PPM1H: variants seen among roughly 807,000 people sequenced by gnomAD.
PPM1H encodes the protein protein phosphatase, Mg2+/Mn2+ dependent 1H.
In PPM1H, 27 loss-of-function variants were observed where a neutral mutation model predicts 54.9. The observed-to-expected ratio is 0.49, with a 90% confidence interval of 0.36 to 0.68. PPM1H has a LOEUF of 0.68. PPM1H is among the 30% of genes least tolerant of loss of function. PPM1H has a pLI of 0.00. For missense variants in PPM1H, 596 were observed against 667.8 expected, an observed-to-expected ratio of 0.89 and a Z score of 1.19; for synonymous variants, 305 against 270.8, an observed-to-expected ratio of 1.13 and a Z score of -1.24.
intron 1 of PPM1H, among the ~76,000 whole-genome samples, chr12:62,923,205 T>TAA (rs1871857617): frequency 6.6e-6 from 1 of 152,170 alleles, no homozygotes. Flanking sequence ...TTAAGGCCAC[T>TAA]GCACTAAAGG....
chr12:62,862,410 C>T (rs745443074), intron 1 of PPM1H, among the ~76,000 whole-genome samples: 4 of 152,154 alleles, frequency 2.6e-5, no homozygotes, highest in Admixed American at 6.5e-5. Context: ...TGAATGTCTG[C>T]GAGAGGCAAA....
At chr12:62,770,593 C>T (rs2076573129) in intron 4 of PPM1H, among the ~76,000 whole-genome samples, 1 of 151,814 alleles carries the variant, frequency 6.6e-6, no homozygotes, top group South Asian at 2.1e-4. Flanking sequence ...TTGGTGCAGT[C>T]CATTTGGAAG....
chr12:62,885,247 G>C (rs191578192), intron 1 of PPM1H, among the ~76,000 whole-genome samples: 4 of 152,158 alleles, frequency 2.6e-5, no homozygotes, highest in Non-Finnish European at 2.9e-5. Flanking sequence ...TTGAGATTTG[G>C]GTGGGGACAC....
At chr12:62,667,784 A>C (rs777913265) in intron 8 of PPM1H, among the ~76,000 whole-genome samples, 59 of 152,334 alleles carry the variant, frequency 3.9e-4, no homozygotes, top group Admixed American at 1.7e-3. Flanking sequence ...GCTTCAGAGG[A>C]GGTCTCAGTC....
At chr12:62,648,879 C>G (rs7313460) in intron 9 of PPM1H, among the ~76,000 whole-genome samples, 113,046 of 152,160 alleles carry the variant, frequency 0.74, 42,314 homozygotes, top group Middle Eastern at 0.81. Flanking sequence ...TTATTCACCT[C>G]CTCAGTCCTC....
At chr12:62,879,809 C>T (rs1870326211) in intron 1 of PPM1H, among the ~76,000 whole-genome samples, 1 of 151,898 alleles carries the variant, frequency 6.6e-6, no homozygotes, top group African/African-American at 2.4e-5. Context: ...TTCTGTAGTG[C>T]TTAAAACTGG....
chr12:62,821,188 T>G (rs950509803), intron 2 of PPM1H, among the ~76,000 whole-genome samples: 1 of 152,034 alleles, frequency 6.6e-6, no homozygotes, highest in African/African-American at 2.4e-5. Flanking sequence ...GAAGATCAAA[T>G]TAATGAAACA....
intron 1 of PPM1H, among the ~76,000 whole-genome samples, chr12:62,898,855 C>T (rs1021512110): frequency 2.0e-5 from 3 of 152,138 alleles, no homozygotes; most frequent in Non-Finnish European, 4.4e-5. Context: ...AGTTTGTGTA[C>T]CCTCTACTCC....
At chr12:62,785,609 A>G (rs952715913) in intron 4 of PPM1H, among the ~76,000 whole-genome samples, 4 of 152,206 alleles carry the variant, frequency 2.6e-5, no homozygotes, top group African/African-American at 9.6e-5. Flanking sequence ...TAAAAGTGTC[A>G]CTCCTCATGG....
At chr12:62,663,523 A>T (rs1025724791) in intron 9 of PPM1H, among the ~76,000 whole-genome samples, 1 of 152,090 alleles carries the variant, frequency 6.6e-6, no homozygotes, top group African/African-American at 2.4e-5. Flanking sequence ...GGTGCTGCTG[A>T]TGCCATGTAG....
rs1279885436 is a variant in PPM1H, at chr12:62,646,842, A to AAAT, written c.*1644_*1646dup. 2 of 152,238 alleles carry AAAT rather than the reference A, an allele frequency of 1.3e-5. No homozygotes were observed. The highest frequency in any genetic ancestry group is 4.8e-5 in the African/African-American group (2 of 41,454). 9.4% of individuals were successfully genotyped at this position (152,238 alleles called of 1,614,324 possible). On this transcript the variant is annotated 3_prime_UTR_variant, in exon 10 of 10. Coordinates refer to ENST00000228705, the MANE Select transcript of PPM1H (RefSeq NM_020700.2). ...TCGAATACAATACCGACAACTCCAG[A>AAAT]AATGCAGGTGATTTACTGCCCTGGA...
At chr12:62,919,057 T>C (rs1592670869) in intron 1 of PPM1H, among the ~76,000 whole-genome samples, 1 of 152,204 alleles carries the variant, frequency 6.6e-6, no homozygotes, top group East Asian at 1.9e-4. Flanking sequence ...CAAGAGAAAC[T>C]TTTGCCAAAG....
At chr12:62,686,874 A>T (rs1460489825) in intron 8 of PPM1H, among the ~76,000 whole-genome samples, 1 of 144,324 alleles carries the variant, frequency 6.9e-6, no homozygotes, top group Admixed American at 7.1e-5. Flanking sequence ...AGCTCTAAAA[A>T]ACCCTAAGGA....
intron 8 of PPM1H, among the ~76,000 whole-genome samples, chr12:62,684,538 C>T (rs961015074): frequency 2.0e-5 from 3 of 152,020 alleles, no homozygotes; most frequent in African/African-American, 7.3e-5. Flanking sequence ...AAATTAGGAG[C>T]CACAATGATG....
intron 1 of PPM1H, among the ~76,000 whole-genome samples, chr12:62,833,625 T>C (rs898179995): frequency 1.3e-5 from 2 of 152,070 alleles, no homozygotes; most frequent in Non-Finnish European, 2.9e-5. Flanking sequence ...CACAACCAAA[T>C]AGGAAATGGA....
chr12:62,832,429 GT>G (rs1260630143), intron 1 of PPM1H, 150 bp from the exon 2 acceptor site: 1 of 737,586 alleles, frequency 1.4e-6, no homozygotes, highest in African/African-American at 1.8e-5. Flanking sequence ...GGTATTTTAT[GT>G]TCCCAAATAA....
rs2075790966 is a variant in PPM1H, at chr12:62,647,237, A to T, written c.*1252T>A. ...AGGGACCTTGAGGAGCTGGGACATG[A>T]TTCTTTAGAGAAGAGAAGAGACAGG... On this transcript the variant is annotated 3_prime_UTR_variant, in exon 10 of 10. Transcript: ENST00000228705. 6.6e-6 allele frequency: 1 copy of T among 152,282 alleles called. No individual in the cohort carries two copies. The allele number at this position is 152,282 out of a possible 1,614,324, so 9.4% of individuals were successfully genotyped here. A position where few individuals can be genotyped will look rare whatever the true frequency, so the allele number is the denominator to read the frequency against.
intron 6 of PPM1H, among the ~76,000 whole-genome samples, chr12:62,704,298 T>C (rs564376453): frequency 1.3e-5 from 2 of 152,284 alleles, no homozygotes; most frequent in African/African-American, 4.8e-5. Flanking sequence ...TTTTGGGGCT[T>C]AGAATGTTTG....
At chr12:62,674,591 C>T (rs2075975279) in intron 8 of PPM1H, among the ~76,000 whole-genome samples, 2 of 152,142 alleles carry the variant, frequency 1.3e-5, no homozygotes. Flanking sequence ...TGTCATGAAA[C>T]AAACACTGAA....
Sources: allele counts gnomAD v4.1 joint callset (sites outside exome capture counted in the v4.1 genomes callset), GRCh38; gene constraint gnomAD v4.1.1; transcripts MANE v1.5; gene names NCBI Gene and HGNC (gene_info 2026-07-23, HGNC 2026-07-21).